Variants in AKAP6 observed in about 807,000 individuals in gnomAD.
AKAP6 encodes the protein A-kinase anchoring protein 6.
In AKAP6, 58 loss-of-function variants were observed where a neutral mutation model predicts 188.5. The observed-to-expected ratio is 0.31, with a 90% CI of 0.25 to 0.38. The LOEUF is 0.38. Ranked by LOEUF, AKAP6 falls within the 10% of genes least tolerant of loss-of-function variation. AKAP6 has a pLI of 1.00. For synonymous variants in AKAP6, 989 were observed against 998.6 expected (o/e 0.99, Z 0.18); for missense variants, 2,710 against 2,740.0 (o/e 0.99, Z 0.24).
intron 12 of AKAP6, among the ~76,000 whole-genome samples, chr14:32,785,651 T>C (rs1282319635): frequency 6.6e-6 from 1 of 152,170 alleles, no homozygotes; most frequent in Non-Finnish European, 1.5e-5. Context: ...AATATAAGGC[T>C]CTTTGAGTGT....
chr14:32,376,929 A>G (rs1888177166), intron 1 of AKAP6, among the ~76,000 whole-genome samples: 1 of 152,162 alleles, frequency 6.6e-6, no homozygotes. Flanking sequence ...TCCTGACCGC[A>G]TGTGATCCGC....
chr14:32,365,515 A>G (rs1002176457), intron 1 of AKAP6, among the ~76,000 whole-genome samples: 19 of 152,036 alleles, frequency 1.2e-4, no homozygotes, highest in Admixed American at 1.1e-3. Context: ...ACTGATCCCA[A>G]TTCTTTCCTA....
chr14:32,538,705 TA>T (rs1282285670), intron 3 of AKAP6, among the ~76,000 whole-genome samples: 1 of 152,184 alleles, frequency 6.6e-6, no homozygotes, highest in Non-Finnish European at 1.5e-5. Context: ...ATAAGCACTT[TA>T]AATTTGTTTC....
intron 1 of AKAP6, among the ~76,000 whole-genome samples, chr14:32,352,312 G>A (rs1233830860): frequency 6.6e-6 from 1 of 151,218 alleles, no homozygotes; most frequent in Non-Finnish European, 1.5e-5. Context: ...CATATTTGGG[G>A]GGTACAGTGT....
intron 1 of AKAP6, among the ~76,000 whole-genome samples, chr14:32,390,988 G>A (rs966906211): frequency 6.6e-6 from 1 of 152,148 alleles, no homozygotes; most frequent in Middle Eastern, 3.4e-3. Flanking sequence ...TGTAGCATGT[G>A]CCTCACCCAG....
chr14:32,583,748 C>T (rs185403294), intron 5 of AKAP6, among the ~76,000 whole-genome samples: 3,034 of 152,014 alleles, frequency 0.02, 43 homozygotes, highest in Non-Finnish European at 0.031. Flanking sequence ...TAGAAATCAG[C>T]GAGACTCCGT....
intron 7 of AKAP6, among the ~76,000 whole-genome samples, chr14:32,645,041 T>G (rs1887927593): frequency 6.6e-6 from 1 of 152,196 alleles, no homozygotes; most frequent in African/African-American, 2.4e-5. Context: ...TTCTATCATC[T>G]TTGCTATAAA....
intron 3 of AKAP6, among the ~76,000 whole-genome samples, chr14:32,538,335 A>C (rs1882776673): frequency 6.6e-6 from 1 of 152,194 alleles, no homozygotes. Context: ...CAAAATAAAA[A>C]AACACCCAAA....
chr14:32,536,653 A>G (rs1413059378), intron 3 of AKAP6, among the ~76,000 whole-genome samples: 1 of 152,220 alleles, frequency 6.6e-6, no homozygotes, highest in Non-Finnish European at 1.5e-5. Context: ...TATACAAAAT[A>G]TATTTGATTT....
chr14:32,535,236 C>T (rs1882620194), intron 2 of AKAP6, among the ~76,000 whole-genome samples: 1 of 152,110 alleles, frequency 6.6e-6, no homozygotes. Context: ...GAATACCCAA[C>T]AAACAATAAA....
At chr14:32,817,813 T>C (rs539674243) in intron 12 of AKAP6, among the ~76,000 whole-genome samples, 61 of 152,198 alleles carry the variant, frequency 4.0e-4, no homozygotes, top group Non-Finnish European at 6.6e-4. Context: ...AAACGTTTGA[T>C]TAGCTTGAGC....
At chr14:32,601,625 C>G (rs762745538) in intron 7 of AKAP6, among the ~76,000 whole-genome samples, 32 of 152,288 alleles carry the variant, frequency 2.1e-4, no homozygotes, top group Non-Finnish European at 3.7e-4. Flanking sequence ...CATAATAAAT[C>G]CAGAATAAAA....
chr14:32,548,288 G>A (rs1036835663), intron 4 of AKAP6, among the ~76,000 whole-genome samples: 19 of 152,028 alleles, frequency 1.2e-4, no homozygotes, highest in Non-Finnish European at 2.4e-4. Flanking sequence ...TTTTAGTAGA[G>A]ACGGGGTTTC....
At chr14:32,431,104 CA>C (rs201302087) in intron 1 of AKAP6, among the ~76,000 whole-genome samples, 35 of 142,838 alleles carry the variant, frequency 2.5e-4, no homozygotes, top group Middle Eastern at 7.1e-3. Flanking sequence ...GACTCCATCT[CA>C]AAAAAAAAAA....
At chr14:32,735,616 G>T (rs893048737) in intron 10 of AKAP6, 42 bp from the exon 11 acceptor site, 104 of 1,364,186 alleles carry the variant, frequency 7.6e-5, no homozygotes, top group Admixed American at 1.5e-4. Flanking sequence ...GTTTTTTTTT[G>T]TTTGTTTGTT....
intron 7 of AKAP6, among the ~76,000 whole-genome samples, chr14:32,613,721 G>A (rs1010407763): frequency 2.6e-5 from 4 of 151,984 alleles, no homozygotes; most frequent in Admixed American, 6.6e-5. Flanking sequence ...CTGGCCTGTC[G>A]TACACCCAGC....
In AKAP6 at chr14:32,433,461, T is replaced by C. The variant is rs1890281262; in HGVS notation, c.-33T>C. Reference sequence around the variant, plus strand: ...TTCTTCTTTCCTCTTGCCTTTCAGCTGTTTTGGAAAGAAGTGAGGTTTAGA... The same window carrying C: ...TTCTTCTTTCCTCTTGCCTTTCAGCCGTTTTGGAAAGAAGTGAGGTTTAGA... On this transcript the variant is annotated splice_region_variant and 5_prime_UTR_variant, in exon 2 of 14. Transcript: ENST00000280979. 1 of 1,582,178 alleles carries C rather than the reference T, an allele frequency of 6.3e-7. No homozygotes were observed. Among genetic ancestry groups the C allele is most frequent in the African/African-American group, 1.3e-5 (1 of 74,146 alleles).
chr14:32,822,113 G>A lies in AKAP6; in HGVS notation c.4300G>A (p.Gly1434Ser). The A allele has an allele frequency of 6.2e-7, 1 of 1,613,788 alleles. No individual in the cohort carries two copies. The highest frequency in any genetic ancestry group is 1.1e-5 in the South Asian group (1 of 91,062). The change falls in exon 13 of 14, where the codon GGT (glycine) becomes AGT (serine). Residue 1434 changes from glycine (G) to serine (S), a missense_variant. Physicochemically the swap from Gly to Ser is moderately conservative, Grantham distance 56. Coordinates refer to ENST00000280979, the MANE Select transcript of AKAP6 (RefSeq NM_004274.5). ...CTCTCAGTCGTCCATTTCACCAGTG[G>A]GTTGTGTAAATGGAAAAGTTGGAGA... ...NSSQSSISPV[G>S]CVNGKVGDLN...
At chr14:32,488,073 G>A (rs552162604) in intron 2 of AKAP6, among the ~76,000 whole-genome samples, 1 of 152,274 alleles carries the variant, frequency 6.6e-6, no homozygotes, top group South Asian at 2.1e-4. Flanking sequence ...GAGATCCGCT[G>A]GTCTCTTCAT....
Sources: allele counts gnomAD v4.1 joint callset (sites outside exome capture counted in the v4.1 genomes callset), GRCh38; gene constraint gnomAD v4.1.1; transcripts MANE v1.5; gene names NCBI Gene and HGNC (gene_info 2026-07-23, HGNC 2026-07-21).